The following PIAS1 variants were observed in gnomAD, a reference collection of about 807,000 sequenced individuals.
PIAS1 encodes E3 SUMO-protein ligase PIAS1.
Under a neutral mutation model 71.3 loss-of-function variants are expected in PIAS1, and 6 were observed. The ratio of observed to expected loss-of-function variants is 0.08; its 90% CI spans 0.05 to 0.17. The LOEUF (loss-of-function observed/expected upper bound fraction) is 0.17, where lower values mean the gene tolerates loss of function less well. Among genes scored for constraint, PIAS1 ranks in the 10% least tolerant of loss-of-function variants. The probability of loss-of-function intolerance (pLI) is 1.00; values close to 1 mark genes in which losing one functional copy is unlikely to be tolerated. For synonymous variants in PIAS1, 303 were observed against 292.9 expected (o/e 1.03, Z -0.35); for missense variants, 555 against 793.6 (o/e 0.70, Z 3.61).
intron 1 of PIAS1, among the ~76,000 whole-genome samples, chr15:68,071,010 G>T (rs570230153): frequency 3.3e-5 from 5 of 152,112 alleles, no homozygotes; most frequent in Non-Finnish European, 7.4e-5. Context: ...CCTTTGAACA[G>T]CACTTTTCTA....
chr15:68,057,439 G>A, intron 1 of PIAS1: 1 of 413,182 alleles, frequency 2.4e-6, no homozygotes, highest in South Asian at 1.8e-5. Context: ...TTTTTTTGGA[G>A]TAAAACTCAA....
chr15:68,119,468 A>G (rs1268237062), intron 2 of PIAS1, among the ~76,000 whole-genome samples: 1 of 151,706 alleles, frequency 6.6e-6, no homozygotes, highest in Non-Finnish European at 1.5e-5. Flanking sequence ...TGGGCAAAAG[A>G]CCTGAATAGA....
rs562050511 is a variant in PIAS1, at chr15:68,074,974, G to T, written c.25-11332G>T. ...CATTTTCCTTTTCCATAAATTTCAC[G>T]AAGAATGTGTAATATGTTTTCATGA... On this transcript the variant is annotated intron_variant, in intron 1 of 13. Coordinates refer to ENST00000249636, the MANE Select transcript of PIAS1 (RefSeq NM_016166.3). 4.7e-5 allele frequency among the ~76,000 whole-genome samples: 7 copies of T among 150,256 alleles called. No homozygotes were observed. The South Asian group carries it at 1.3e-3, about 27-fold the overall frequency.
chr15:68,073,158 G>A (rs2092119264), intron 1 of PIAS1, among the ~76,000 whole-genome samples: 1 of 152,124 alleles, frequency 6.6e-6, no homozygotes, highest in African/African-American at 2.4e-5. Flanking sequence ...TGGGACTACA[G>A]GTACCTGCCA....
intron 6 of PIAS1, among the ~76,000 whole-genome samples, chr15:68,146,905 A>G (rs1041795880): frequency 3.3e-5 from 5 of 152,162 alleles, no homozygotes; most frequent in Non-Finnish European, 1.5e-5. Flanking sequence ...TTACTCCACA[A>G]TTGATCATAA....
rs180993234 is a variant in PIAS1 at position 68,094,593 on chromosome 15, A to G, written c.469+7843A>G. On this transcript the variant is annotated intron_variant, in intron 2 of 13. Coordinates refer to ENST00000249636, the MANE Select transcript of PIAS1 (RefSeq NM_016166.3). ...TTTTCTTCTTTTCTCATTTTTTATA[A>G]TTGAGTTTTCCTTTTTCCACATTCT... Among the ~76,000 whole-genome samples, 157 of 152,152 alleles carry G rather than the reference A, an allele frequency of 1.0e-3. 2 individuals are homozygous for G. The highest frequency in any genetic ancestry group is 6.7e-3 in the Admixed American group (102 of 15,284).
intron 9 of PIAS1, 35 bp from the exon 10 acceptor site, chr15:68,175,602 A>G: frequency 4.1e-6 from 5 of 1,210,008 alleles, no homozygotes; most frequent in Non-Finnish European, 5.6e-6. Flanking sequence ...ATGTTCATTT[A>G]AAATATATTC....
At chr15:68,149,239 G>A (rs1271565824) in intron 6 of PIAS1, among the ~76,000 whole-genome samples, 1 of 151,950 alleles carries the variant, frequency 6.6e-6, no homozygotes, top group Non-Finnish European at 1.5e-5. Context: ...ATACATTTGG[G>A]CTAGAGGGAA....
intron 6 of PIAS1, among the ~76,000 whole-genome samples, chr15:68,149,378 C>A (rs1010773706): frequency 2.8e-5 from 4 of 141,930 alleles, no homozygotes; most frequent in African/African-American, 1.0e-4. Flanking sequence ...AGTAGAATTA[C>A]TTTATCATAT....
chr15:68,177,772 C>A (rs2093029770), intron 11 of PIAS1, among the ~76,000 whole-genome samples: 1 of 152,178 alleles, frequency 6.6e-6, no homozygotes, highest in Non-Finnish European at 1.5e-5. Flanking sequence ...ATCAGGGATT[C>A]TGAGCAAGAT....
chr15:68,090,927 G>GTAGGTGT (rs1555425137), intron 2 of PIAS1, among the ~76,000 whole-genome samples: 14 of 142,762 alleles, frequency 9.8e-5, no homozygotes, highest in African/African-American at 3.4e-4. Flanking sequence ...GTCATTTACG[G>GTAGGTGT]GTGTGTGTGT....
rs988115178 is a variant in PIAS1 at position 68,178,325 on chromosome 15, G to A, written c.1481+1671G>A. Reference sequence around the variant, plus strand: ...CACACATCGGTATTTTCATTCTACAGTAGTCCATCTTGGCATACAGACAGA... The same window carrying A: ...CACACATCGGTATTTTCATTCTACAATAGTCCATCTTGGCATACAGACAGA... On this transcript the variant is annotated intron_variant, in intron 11 of 13. Coordinates refer to ENST00000249636, the MANE Select transcript of PIAS1 (RefSeq NM_016166.3). The surrounding 1 kb of genome is among the most constrained non-coding windows in gnomAD (Gnocchi z 4.2). Among the ~76,000 whole-genome samples, 1 of 152,156 alleles carries A rather than the reference G, an allele frequency of 6.6e-6. No individual in the cohort carries two copies. The highest frequency in any genetic ancestry group is 1.5e-5 in the Non-Finnish European group (1 of 68,022).
chr15:68,179,228 G>A (rs959485152), intron 11 of PIAS1, among the ~76,000 whole-genome samples: 5 of 152,216 alleles, frequency 3.3e-5, no homozygotes, highest in Admixed American at 6.5e-5. Flanking sequence ...CCAGGAATTA[G>A]AGGCAAACAC....
At chr15:68,068,439 T>C (rs2092053937) in intron 1 of PIAS1, among the ~76,000 whole-genome samples, 1 of 152,154 alleles carries the variant, frequency 6.6e-6, no homozygotes, top group African/African-American at 2.4e-5. Context: ...ATTACCACAG[T>C]GATTTACCCG....
intron 2 of PIAS1, among the ~76,000 whole-genome samples, chr15:68,114,138 A>C (rs143389624): frequency 6.6e-6 from 1 of 152,056 alleles, no homozygotes; most frequent in Non-Finnish European, 1.5e-5. Flanking sequence ...CATATGCTCA[A>C]TGTGAAGAAT....
rs749952237 is a variant in PIAS1 at position 68,183,649 on chromosome 15, C to T, written c.1644C>T (p.Phe548=). Residue 548 remains phenylalanine, a synonymous_variant, in exon 13 of 14, where the codon TTC becomes TTT. Coordinates refer to ENST00000249636, the MANE Select transcript of PIAS1 (RefSeq NM_016166.3). ...CCACAGGATTAGATTTCTTTCCTTT[C>T]TTATCAGGAGACAATCAGGTATGTT... ...YDLQGLDFFP[F]LSGDNQHYNT... 3.7e-5 allele frequency: 41 copies of T among 1,109,330 alleles called. No individual in the cohort carries two copies. Among genetic ancestry groups the T allele is most frequent in the Non-Finnish European group, 5.1e-5 (39 of 759,072 alleles). The allele number at this position is 1,109,330 out of a possible 1,614,324, so 68.7% of individuals were successfully genotyped here.
chr15:68,093,252 T>TG (rs1567038267), intron 2 of PIAS1, among the ~76,000 whole-genome samples: 1 of 152,248 alleles, frequency 6.6e-6, no homozygotes, highest in Admixed American at 6.5e-5. Flanking sequence ...TTTTTAGACT[T>TG]ACATTTTAGC....
At chr15:68,055,826 T>G in intron 1 of PIAS1, 1 of 672,458 alleles carries the variant, frequency 1.5e-6, no homozygotes, top group Non-Finnish European at 2.7e-6. Context: ...TTTGATTCTG[T>G]AGAGTTTTTC....
At chr15:68,085,630 G>A (rs1029593307) in intron 1 of PIAS1, among the ~76,000 whole-genome samples, 3 of 152,150 alleles carry the variant, frequency 2.0e-5, no homozygotes, top group African/African-American at 7.2e-5. Flanking sequence ...TAGCTTTATG[G>A]CTTTATAAGT....
Sources: gnomAD v4.1 joint callset for allele counts (sites outside exome capture counted in the v4.1 genomes callset) on GRCh38, gnomAD v4.1.1 for gene constraint, Gnocchi (gnomAD v3.1) non-coding constraint, MANE v1.5 for transcripts, NCBI Gene and HGNC (gene_info 2026-07-23, HGNC 2026-07-21) for gene names.